DNAJB1: variants seen among roughly 807,000 people sequenced by gnomAD.
The protein encoded by DNAJB1 is DnaJ heat shock protein family (Hsp40) member B1.
Under a neutral mutation model 24.0 loss-of-function variants are expected in DNAJB1, and 14 were observed. The observed-to-expected ratio is 0.58, with a 90% CI of 0.39 to 0.91. The LOEUF (loss-of-function observed/expected upper bound fraction) is 0.91, where lower values mean the gene tolerates loss of function less well. DNAJB1 is among the 40% of genes least tolerant of loss of function. DNAJB1 has a pLI of 0.00. For missense variants in DNAJB1, 517 were observed against 458.1 expected (o/e 1.13, Z -1.17); for synonymous variants, 262 against 174.4 (o/e 1.50, Z -3.96).
chr19:14,522,892 T>C (rs149259772), upstream of DNAJB1, among the ~76,000 whole-genome samples: 310 of 152,238 alleles, frequency 2.0e-3, no homozygotes, highest in Middle Eastern at 6.8e-3. Context: ...TCTGGGAGCA[T>C]TAGGTCTGTC....
At chr19:14,541,845 CA>C (rs1292462568) in intron 1 of DNAJB1, among the ~76,000 whole-genome samples, 1 of 151,056 alleles carries the variant, frequency 6.6e-6, no homozygotes, top group Non-Finnish European at 1.5e-5. Context: ...TGCAATGGCA[CA>C]ATCTTGGGTC....
At chr19:14,542,295 C>T (rs1035940633) in intron 1 of DNAJB1, among the ~76,000 whole-genome samples, 6 of 146,434 alleles carry the variant, frequency 4.1e-5, no homozygotes, top group Non-Finnish European at 6.0e-5. Context: ...AAAAGATTCC[C>T]TATTGGAGGG....
At chr19:14,541,708 A>G (rs2073101931) in intron 1 of DNAJB1, among the ~76,000 whole-genome samples, 2 of 151,760 alleles carry the variant, frequency 1.3e-5, no homozygotes, top group African/African-American at 4.8e-5. Flanking sequence ...GAGTTTGCAT[A>G]TGTCCCACGT....
chr19:14,518,920 A>G (rs370528472), upstream of DNAJB1, among the ~76,000 whole-genome samples: 148 of 152,276 alleles, frequency 9.7e-4, 4 homozygotes, highest in South Asian at 0.029. Context: ...GCCCCCTTCT[A>G]TCTACAACAT....
At chr19:14,536,433 C>A (rs1206712808) in intron 1 of DNAJB1, among the ~76,000 whole-genome samples, 5 of 152,014 alleles carry the variant, frequency 3.3e-5, no homozygotes, top group African/African-American at 1.2e-4. Flanking sequence ...CCACGCCCGG[C>A]TAATTTTTGT....
Position 14,518,326 on chromosome 19 carries a change from C to G in DNAJB1, c.24G>C (p.Thr8=), listed in dbSNP as rs141518218. The G allele has an allele frequency of 1.9e-6, 3 of 1,600,878 alleles. No individual in the cohort carries two copies. Among genetic ancestry groups the G allele is most frequent in the East Asian group, 2.2e-5 (1 of 44,502 alleles). Residue 8 remains threonine, a synonymous_variant, in exon 1 of 3, where the codon ACG becomes ACC. Transcript: ENST00000254322. ...CCGACGCGCCGCGGGCCAGGCCCAA[C>G]GTCTGGTAGTAGTCTTTACCCATGA... MGKDYYQ[T]LGLARGASDE...
At chr19:14,547,589 T>C (rs1485991244) in intron 1 of DNAJB1, among the ~76,000 whole-genome samples, 8 of 152,092 alleles carry the variant, frequency 5.3e-5, no homozygotes, top group Non-Finnish European at 1.0e-4. Flanking sequence ...CTCAAACTCC[T>C]GACCTCAGGT....
intron 2 of DNAJB1, among the ~76,000 whole-genome samples, chr19:14,526,955 GC>G (rs1486156527): frequency 1.3e-5 from 2 of 151,918 alleles, no homozygotes; most frequent in Non-Finnish European, 2.9e-5. Context: ...TGTAATCCCA[GC>G]GCTTTGGGAG....
At position 14,558,432 on chromosome 19, in the gene DNAJB1, G is replaced by A. The variant is rs954247489; in HGVS notation, c.-2166+1599C>T. Reference sequence around the variant, plus strand: ...CTCCCTCTTGCAGGGTGCGCTTCACGCCGCACCGTGTGTCCTGGCTCTTGG... The same window carrying A: ...CTCCCTCTTGCAGGGTGCGCTTCACACCGCACCGTGTGTCCTGGCTCTTGG... On this transcript the variant is annotated intron_variant, in intron 1 of 5. Coordinates refer to the DNAJB1 transcript ENST00000679223. Among the ~76,000 whole-genome samples the A allele has an allele frequency of 3.3e-5, 5 of 152,120 alleles. No homozygotes were observed. In the East Asian group the frequency reaches 5.8e-4, roughly 18 times the overall value.
chr19:14,552,573 GC>G (rs1652829636), upstream of DNAJB1, among the ~76,000 whole-genome samples: 1 of 144,752 alleles, frequency 6.9e-6, no homozygotes, highest in South Asian at 2.3e-4. Context: ...TCGTTCTGTC[GC>G]CCAGGCTGGA....
chr19:14,544,109 A>G (rs549178247), intron 1 of DNAJB1, among the ~76,000 whole-genome samples: 66 of 152,036 alleles, frequency 4.3e-4, no homozygotes, highest in African/African-American at 1.4e-3. Flanking sequence ...GAGAATCCCT[A>G]TCCAAATACT....
intron 1 of DNAJB1, among the ~76,000 whole-genome samples, chr19:14,558,169 G>A (rs1487021626): frequency 6.6e-6 from 1 of 152,162 alleles, no homozygotes; most frequent in Non-Finnish European, 1.5e-5. Context: ...CAGAGAGGTT[G>A]GGTAACTTGC....
At chr19:14,519,198 T>C (rs1365622370), upstream of DNAJB1, among the ~76,000 whole-genome samples, 2 of 152,080 alleles carry the variant, frequency 1.3e-5, no homozygotes, top group African/African-American at 4.8e-5. Flanking sequence ...TGAAACCCCA[T>C]CTCTGCTAAA....
rs907049127 is a variant in DNAJB1, at chr19:14,515,664, A to T, written c.*276T>A. 4.8e-6 allele frequency: 2 copies of T among 417,742 alleles called. No individual in the cohort carries two copies. The highest frequency in any genetic ancestry group is 4.2e-5 in the African/African-American group (2 of 47,520). 25.9% of individuals were successfully genotyped at this position (417,742 alleles called of 1,614,324 possible). The stretch of plus-strand genomic sequence containing the variant: ...ACCCCTGGCCAGGGACTGGAGGTGG[A>T]TGTGGGCCCATCCCGGGAGGGCTGC... On this transcript the variant is annotated 3_prime_UTR_variant, in exon 3 of 3. Coordinates refer to ENST00000254322, the MANE Select transcript of DNAJB1 (RefSeq NM_006145.3).
intron 1 of DNAJB1, among the ~76,000 whole-genome samples, chr19:14,538,535 TC>T (rs1447952201): frequency 6.2e-4 from 57 of 92,024 alleles, no homozygotes; most frequent in African/African-American, 2.6e-3. Flanking sequence ...CTCTTTTTTT[TC>T]TTTTTTTTTT....
chr19:14,518,786 G>A (rs1019965581), upstream of DNAJB1, among the ~76,000 whole-genome samples: 2 of 152,220 alleles, frequency 1.3e-5, no homozygotes, highest in Non-Finnish European at 2.9e-5. Context: ...GTGGGGCCTG[G>A]GACTACCCAG....
upstream of DNAJB1, among the ~76,000 whole-genome samples, chr19:14,554,938 C>G (rs893045416): frequency 2.6e-5 from 4 of 151,738 alleles, no homozygotes; most frequent in Non-Finnish European, 5.9e-5. Context: ...GCCACCATGC[C>G]CAGCTAATTT....
intron 1 of DNAJB1, among the ~76,000 whole-genome samples, chr19:14,542,353 T>TTG: frequency 1.3e-5 from 1 of 77,838 alleles, no homozygotes; most frequent in African/African-American, 5.1e-5. Context: ...TAGTGTTTTT[T>TTG]TTTTTTTTTT....
intron 1 of DNAJB1, among the ~76,000 whole-genome samples, chr19:14,555,667 C>G (rs2073696003): frequency 6.6e-6 from 1 of 152,032 alleles, no homozygotes; most frequent in African/African-American, 2.4e-5. Flanking sequence ...TCTCGAACTC[C>G]TGACCTCAGG....
Sources: allele counts gnomAD v4.1 joint callset (sites outside exome capture counted in the v4.1 genomes callset), GRCh38; gene constraint gnomAD v4.1.1; transcripts MANE v1.5; gene names NCBI Gene and HGNC (gene_info 2026-07-23, HGNC 2026-07-21).